FBXO38: variants seen among roughly 807,000 people sequenced by gnomAD.
FBXO38 encodes the protein F-box only protein 38.
Under a neutral mutation model 131.9 loss-of-function variants are expected in FBXO38, and 53 were observed. The ratio of observed to expected loss-of-function variants is 0.40; its 90% CI spans 0.32 to 0.51. The LOEUF is 0.51. Ranked by LOEUF, FBXO38 falls within the 20% of genes least tolerant of loss-of-function variation. FBXO38 has a pLI of 0.53. For missense variants in FBXO38, 1,076 were observed against 1,475.6 expected (o/e 0.73, Z 4.44); for synonymous variants, 452 against 505.6 (o/e 0.89, Z 1.42).
chr5:148,391,461 T>C lies in FBXO38; in HGVS notation c.-63-3253T>C, dbSNP rs78315597. 5.4e-4 allele frequency among the ~76,000 whole-genome samples: 82 copies of C among 152,294 alleles called. No individual in the cohort carries two copies. The East Asian group carries it at 0.015, about 29-fold the overall frequency. On this transcript the variant is annotated intron_variant, in intron 1 of 21. Coordinates refer to ENST00000340253, the MANE Select transcript of FBXO38 (RefSeq NM_205836.3). ...GAAGCTTTTACAGAGGACTTACATTTAAGCTAGATTTTTACAGGCAGTTTT... is the reference window on the plus strand; with the variant it reads ...GAAGCTTTTACAGAGGACTTACATTCAAGCTAGATTTTTACAGGCAGTTTT...
At position 148,387,872 on chromosome 5, in the gene FBXO38, A is replaced by G. The variant is rs530670923; in HGVS notation, c.-64+3833A>G. Among the ~76,000 whole-genome samples the G allele has an allele frequency of 2.6e-4, 39 of 151,792 alleles. No individual in the cohort carries two copies. In the East Asian group the frequency reaches 7.4e-3, roughly 29 times the overall value. On this transcript the variant is annotated intron_variant, in intron 1 of 21. Transcript: ENST00000340253. ...ACACCCAGCTAATTTTTGTATTTTC[A>G]GTAGAGATGGGGTTTCACTATGTTG...
intron 17 of FBXO38, among the ~76,000 whole-genome samples, chr5:148,437,521 T>C (rs1754417036): frequency 6.6e-6 from 1 of 152,220 alleles, no homozygotes; most frequent in South Asian, 2.1e-4. Context: ...CAGATGTCTG[T>C]GAAATGTTAA....
At chr5:148,412,980 C>T (rs935450552) in intron 9 of FBXO38, among the ~76,000 whole-genome samples, 4 of 152,032 alleles carry the variant, frequency 2.6e-5, no homozygotes, top group African/African-American at 7.2e-5. Context: ...AAACTAAATG[C>T]AAGACATCGA....
At chr5:148,428,035 A>T (rs1486955413) in intron 15 of FBXO38, 88 bp downstream of exon 15, 2 of 1,363,322 alleles carry the variant, frequency 1.5e-6, no homozygotes, top group African/African-American at 2.9e-5. Context: ...ACAAAAAGCC[A>T]GTTTGGCAAA....
Position 148,416,057 on chromosome 5 carries a change from G to A in FBXO38, c.1394G>A (p.Arg465His), listed in dbSNP as rs200187682. ...TTTATTTCACTGGATCAGATGTTTC[G>A]TGAACCACCCAAGGTAAGATACATT... ...LEFISLDQMF[R>H]EPPKGCARVG... is the part of the protein sequence containing the mutation. Residue 465 changes from arginine to histidine, a missense_variant, in exon 11 of 22, where the codon CGT (arginine) becomes CAT (histidine). Arg to His is a conservative substitution (Grantham distance 29). Around this residue, in one of 8 missense-constraint regions of FBXO38, gnomAD observed 146 missense variants for 274.3 expected, o/e 0.53. Coordinates refer to ENST00000340253, the MANE Select transcript of FBXO38 (RefSeq NM_205836.3). 226 of 1,598,280 alleles carry A rather than the reference G, an allele frequency of 1.4e-4. No individual in the cohort carries two copies. Among genetic ancestry groups the A allele is most frequent in the Middle Eastern group, 1.7e-4 (1 of 5,996 alleles).
chr5:148,427,567 A>T lies in FBXO38; in HGVS notation c.2273A>T (p.Glu758Val), dbSNP rs1442932415. 1 of 1,614,028 alleles carries T rather than the reference A, an allele frequency of 6.2e-7. No individual in the cohort carries two copies. The highest frequency in any genetic ancestry group is 8.5e-7 in the Non-Finnish European group (1 of 1,180,026). ...RQCACSPGGS[E>V]DSEAMEEGDA... Reference sequence around the variant, plus strand: ...TGTGCCTGCTCCCCCGGTGGGTCAGAGGACTCTGAGGCCATGGAGGAGGGA... The same window carrying T: ...TGTGCCTGCTCCCCCGGTGGGTCAGTGGACTCTGAGGCCATGGAGGAGGGA... Residue 758 changes from glutamate (E) to valine (V), a missense_variant, in exon 15 of 22, where the codon GAG becomes GTG. Glu to Val is a moderately radical substitution (Grantham distance 121). Transcript: ENST00000340253.
chr5:148,400,579 A>C (rs921050203), intron 3 of FBXO38, among the ~76,000 whole-genome samples: 6 of 152,172 alleles, frequency 3.9e-5, no homozygotes, highest in African/African-American at 1.2e-4. Flanking sequence ...GGATAAGATC[A>C]CACTAACCTT....
intron 8 of FBXO38, 105 bp downstream of exon 8, chr5:148,409,322 G>C (rs1291658171): frequency 5.4e-6 from 4 of 738,078 alleles, no homozygotes; most frequent in Admixed American, 4.1e-5. Context: ...GTGTACATTT[G>C]ATCAAGCCTT....
intron 10 of FBXO38, among the ~76,000 whole-genome samples, chr5:148,415,718 A>C (rs1438153580): frequency 6.6e-6 from 1 of 152,186 alleles, no homozygotes; most frequent in Non-Finnish European, 1.5e-5. Flanking sequence ...TTGGATTCAA[A>C]TTAATGTTCC....
intron 5 of FBXO38, among the ~76,000 whole-genome samples, chr5:148,402,986 A>C (rs182430672): frequency 6.6e-5 from 10 of 152,246 alleles, no homozygotes; most frequent in African/African-American, 2.4e-4. Context: ...TCTGAAACTC[A>C]GGTGGTACAG....
intron 15 of FBXO38, 143 bp downstream of exon 15, chr5:148,428,090 T>G: frequency 5.5e-6 from 5 of 901,124 alleles, no homozygotes; most frequent in Non-Finnish European, 3.1e-6. Context: ...AATTTTGAAC[T>G]AATTTCAGCA....
chr5:148,386,684 G>T (rs762204855), intron 1 of FBXO38, among the ~76,000 whole-genome samples: 2 of 151,990 alleles, frequency 1.3e-5, no homozygotes, highest in Non-Finnish European at 2.9e-5. Context: ...ACCTGGTACC[G>T]CAAAGTATAG....
chr5:148,414,446 A>C, intron 10 of FBXO38, 140 bp downstream of exon 10: 6 of 746,950 alleles, frequency 8.0e-6, no homozygotes, highest in Non-Finnish European at 1.2e-5. Flanking sequence ...AAGTTCTGGT[A>C]ACCTTTGATA....
intron 1 of FBXO38, among the ~76,000 whole-genome samples, chr5:148,385,668 T>A (rs1757875712): frequency 6.6e-6 from 1 of 152,124 alleles, no homozygotes; most frequent in Non-Finnish European, 1.5e-5. Context: ...GCAGTTTGGT[T>A]TATGTGGTGT....
intron 12 of FBXO38, among the ~76,000 whole-genome samples, chr5:148,421,700 A>T (rs1753445955): frequency 6.6e-6 from 1 of 152,178 alleles, no homozygotes; most frequent in Non-Finnish European, 1.5e-5. Flanking sequence ...TACCTTAATG[A>T]TAAAATATTT....
chr5:148,427,895 C>A lies in FBXO38; in HGVS notation c.2601C>A (p.Pro867=), dbSNP rs759084072. ...CTAATGAAGACTACCCTCGGAGGCCCCTAACCAGGGCCAGGAGCAGACTGT... is the reference window on the plus strand; with the variant it reads ...CTAATGAAGACTACCCTCGGAGGCCACTAACCAGGGCCAGGAGCAGACTGT... ...VQSNEDYPRR[P]LTRARSRLSH... Residue 867 remains proline, a synonymous_variant, in exon 15 of 22, where the codon CCC becomes CCA. Coordinates refer to ENST00000340253, the MANE Select transcript of FBXO38 (RefSeq NM_205836.3). 9 of 1,542,818 alleles carry A rather than the reference C, an allele frequency of 5.8e-6. No individual in the cohort carries two copies. In the Admixed American group the frequency reaches 1.6e-4, roughly 28 times the overall value.
At chr5:148,418,821 A>G (rs1488799037) in intron 12 of FBXO38, among the ~76,000 whole-genome samples, 3 of 152,240 alleles carry the variant, frequency 2.0e-5, no homozygotes, top group African/African-American at 4.8e-5. Context: ...ACAGTGGAGA[A>G]TGCCTGCCAT....
At position 148,425,502 on chromosome 5, in the gene FBXO38, G is replaced by A; in HGVS notation, c.1739-20G>A. ...TTTCTTGCGCAAAAAGTAACTGTTAGGCCTGTGCTTTTTTTTAAGGACCCA... is the reference window on the plus strand; with the variant it reads ...TTTCTTGCGCAAAAAGTAACTGTTAAGCCTGTGCTTTTTTTTAAGGACCCA... On this transcript the variant is annotated intron_variant, in intron 13 of 21. Transcript: ENST00000340253. 1 of 1,601,048 alleles carries A rather than the reference G, an allele frequency of 6.2e-7. No homozygotes were observed. Among genetic ancestry groups the A allele is most frequent in the Non-Finnish European group, 8.5e-7 (1 of 1,169,674 alleles).
intron 12 of FBXO38, 26 bp downstream of exon 12, chr5:148,417,230 A>G: frequency 6.9e-7 from 1 of 1,452,504 alleles, no homozygotes; most frequent in East Asian, 2.3e-5. Flanking sequence ...TATGAGCTCC[A>G]GATAGAAATG....
Sources: gnomAD v4.1 joint callset for allele counts (sites outside exome capture counted in the v4.1 genomes callset) on GRCh38, gnomAD v4.1.1 for gene constraint, gnomAD v4.1.1 regional missense constraint, MANE v1.5 for transcripts, NCBI Gene and HGNC (gene_info 2026-07-23, HGNC 2026-07-21) for gene names.